USP39: variants seen among roughly 807,000 people sequenced by gnomAD.
USP39 encodes ubiquitin specific peptidase 39.
In USP39, 38 loss-of-function variants were observed where a neutral mutation model predicts 66.4. The observed-to-expected ratio is 0.57, with a 90% confidence interval of 0.44 to 0.75. The LOEUF (loss-of-function observed/expected upper bound fraction) is 0.75, where lower values mean the gene tolerates loss of function less well. USP39 is among the 30% of genes least tolerant of loss of function. The pLI, the probability that USP39 is intolerant of heterozygous loss-of-function variation, is 0.00. For synonymous variants in USP39, 303 were observed against 274.6 expected (o/e 1.10, Z -1.02); for missense variants, 608 against 714.4 (o/e 0.85, Z 1.70).
intron 9 of USP39, 67 bp downstream of exon 9, chr2:85,639,458 T>TC: frequency 7.0e-7 from 1 of 1,430,262 alleles, no homozygotes; most frequent in Non-Finnish European, 9.3e-7. Flanking sequence ...CATTTTCTTT[T>TC]TTTTTTTTTT....
chr2:85,628,093 A>G (rs1354003215), intron 5 of USP39, among the ~76,000 whole-genome samples: 1 of 152,094 alleles, frequency 6.6e-6, no homozygotes, highest in Admixed American at 6.6e-5. Flanking sequence ...CAAATTCTTA[A>G]GTAGAGAGAC....
chr2:85,624,351 TG>T (rs1292941602), intron 4 of USP39, among the ~76,000 whole-genome samples: 1 of 151,944 alleles, frequency 6.6e-6, no homozygotes, highest in Non-Finnish European at 1.5e-5. Context: ...TTCTTGTTTT[TG>T]GTTTTTTTTT....
At chr2:85,619,329 T>C (rs770155127) in intron 2 of USP39, 40 bp downstream of exon 2, 3 of 1,599,410 alleles carry the variant, frequency 1.9e-6, no homozygotes, top group Non-Finnish European at 2.6e-6. Flanking sequence ...ACAAGAACAA[T>C]GGAATCTGTG....
chr2:85,627,302 G>A (rs1260238216), intron 5 of USP39, among the ~76,000 whole-genome samples: 1 of 151,818 alleles, frequency 6.6e-6, no homozygotes, highest in Non-Finnish European at 1.5e-5. Context: ...TCACCATGTT[G>A]GCCAGGCTGG....
At chr2:85,613,392 A>C (rs1462454462), upstream of USP39, among the ~76,000 whole-genome samples, 1 of 152,116 alleles carries the variant, frequency 6.6e-6, no homozygotes, top group Non-Finnish European at 1.5e-5. Context: ...GGTGCTTGTA[A>C]TCCCAGCTAC....
chr2:85,642,241 A>C (rs1286408884), intron 10 of USP39, among the ~76,000 whole-genome samples: 1 of 152,178 alleles, frequency 6.6e-6, no homozygotes, highest in Non-Finnish European at 1.5e-5. Context: ...CTCTTTTTCT[A>C]CACTTTTCTC....
chr2:85,611,842 G>A (rs769032984), upstream of USP39: 5 of 1,602,468 alleles, frequency 3.1e-6, no homozygotes, highest in African/African-American at 6.7e-5. Flanking sequence ...GCCAGGCCAG[G>A]AGTGGTGGCG....
At position 85,621,578 on chromosome 2, in the gene USP39, A is replaced by T; in HGVS notation, c.432A>T (p.Gln144His). 6 of 1,612,946 alleles carry T rather than the reference A, an allele frequency of 3.7e-6. No individual in the cohort carries two copies. Among genetic ancestry groups the T allele is most frequent in the Non-Finnish European group, 5.1e-6 (6 of 1,179,742 alleles). Residue 144 changes from glutamine to histidine, a missense_variant and splice_region_variant, in exon 3 of 13, where the codon CAA becomes CAT. Gln to His is a conservative substitution (Grantham distance 24, BLOSUM62 0). This residue lies in a region of USP39 where 115 missense variants were observed against 198.6 expected (regional missense o/e 0.58). Coordinates refer to ENST00000323701, the MANE Select transcript of USP39 (RefSeq NM_006590.4). ...YACLVCGKYF[Q>H]GRGLKSHAYI... is the part of the protein sequence containing the mutation. Reference sequence around the variant, plus strand: ...GTCTGGTGTGTGGCAAGTACTTTCAAGGTAAATAAGTTGTTAGAGCTAACT... The same window carrying T: ...GTCTGGTGTGTGGCAAGTACTTTCATGGTAAATAAGTTGTTAGAGCTAACT...
chr2:85,642,516 A>G (rs973397375), intron 10 of USP39, among the ~76,000 whole-genome samples: 2 of 152,162 alleles, frequency 1.3e-5, no homozygotes, highest in Non-Finnish European at 2.9e-5. Flanking sequence ...TCCTTGCCCC[A>G]TTGGTTTCTT....
intron 1 of USP39, among the ~76,000 whole-genome samples, chr2:85,616,918 C>T (rs1674025255): frequency 6.6e-6 from 1 of 151,858 alleles, no homozygotes; most frequent in Non-Finnish European, 1.5e-5. Context: ...TCTCGATCTC[C>T]TGACTTCGTG....
intron 1 of USP39, among the ~76,000 whole-genome samples, chr2:85,606,149 T>C (rs1240082105): frequency 1.3e-5 from 2 of 152,244 alleles, no homozygotes; most frequent in East Asian, 3.8e-4. Flanking sequence ...GGGCATGAGA[T>C]ATGCCTATCA....
In USP39 at chr2:85,645,066, A is replaced by C. The variant is rs967436008; in HGVS notation, c.1546A>C (p.Ile516Leu). Residue 516 changes from isoleucine to leucine, a missense_variant, in exon 11 of 13, where the codon ATC (isoleucine) becomes CTC (leucine). Around this residue, in one of 6 missense-constraint regions of USP39, gnomAD observed 164 missense variants for 250.3 expected, o/e 0.66. Transcript: ENST00000323701. The stretch of plus-strand genomic sequence containing the variant: ...CAAGCCCTCCGAGGGCTCCTACCGG[A>C]TCCACGTGCTTCATCATGTGAGTGG... Reference protein sequence around the residue: ...DGKPSEGSYRIHVLHHGTGKW... With the variant: ...DGKPSEGSYRLHVLHHGTGKW... 4.3e-6 allele frequency: 7 copies of C among 1,614,008 alleles called. No individual in the cohort carries two copies. In the African/African-American group the frequency reaches 8.0e-5, roughly 18 times the overall value.
intron 10 of USP39, among the ~76,000 whole-genome samples, chr2:85,644,283 C>T (rs75922278): frequency 1.3e-5 from 2 of 151,078 alleles, no homozygotes; most frequent in African/African-American, 4.9e-5. Context: ...GATGCAATGT[C>T]TTTTTTTTTA....
intron 2 of USP39, 52 bp from the exon 3 acceptor site, chr2:85,621,433 G>A (rs114899241): frequency 4.7e-5 from 71 of 1,518,284 alleles, no homozygotes; most frequent in Admixed American, 1.0e-4. Flanking sequence ...CTTCATTTGC[G>A]TGCCTTCCTA....
In USP39 at chr2:85,640,967, T is replaced by G. The variant is rs1410863132; in HGVS notation, c.1285-9T>G. On this transcript the variant is annotated splice_polypyrimidine_tract_variant and intron_variant, in intron 9 of 12. Transcript: ENST00000323701. Reference sequence around the variant, plus strand: ...GCACTAATTTGAGAATTTTCTTTTCTTTCTCTAGGAATATAAGACTTACAA... The same window carrying G: ...GCACTAATTTGAGAATTTTCTTTTCGTTCTCTAGGAATATAAGACTTACAA... 1.3e-6 allele frequency: 2 copies of G among 1,590,834 alleles called. No individual in the cohort carries two copies. The highest frequency in any genetic ancestry group is 1.7e-6 in the Non-Finnish European group (2 of 1,173,032).
chr2:85,604,149 T>C (rs1673122786), intron 1 of USP39, among the ~76,000 whole-genome samples: 1 of 152,146 alleles, frequency 6.6e-6, no homozygotes, highest in African/African-American at 2.4e-5. Context: ...CACAATGACT[T>C]GAAGAGGGAG....
At chr2:85,613,448 G>C (rs1236624492), upstream of USP39, among the ~76,000 whole-genome samples, 1 of 152,118 alleles carries the variant, frequency 6.6e-6, no homozygotes, top group African/African-American at 2.4e-5. Flanking sequence ...GGAGGCGGAG[G>C]TTGCAGTCAG....
upstream of USP39, chr2:85,612,462 G>A: frequency 8.1e-7 from 1 of 1,231,284 alleles, no homozygotes; most frequent in Non-Finnish European, 1.1e-6. Context: ...AACACCTAGA[G>A]CACCTACCTC....
upstream of USP39, chr2:85,607,859 T>C (rs764892936): frequency 2.6e-5 from 4 of 152,124 alleles, no homozygotes; most frequent in Admixed American, 6.5e-5. Flanking sequence ...TAACCCTGCA[T>C]TAGAAAAAAT....
Sources: gnomAD v4.1 joint callset for allele counts (sites outside exome capture counted in the v4.1 genomes callset) on GRCh38, gnomAD v4.1.1 for gene constraint, gnomAD v4.1.1 regional missense constraint, MANE v1.5 for transcripts, NCBI Gene and HGNC (gene_info 2026-07-23, HGNC 2026-07-21) for gene names.